The following BBOX1 variants were observed in gnomAD, a reference collection of about 807,000 sequenced individuals.
BBOX1 encodes gamma-butyrobetaine hydroxylase 1.
A neutral mutation model predicts 41.6 loss-of-function variants in BBOX1; 35 were observed. The observed-to-expected ratio is 0.84, with a 90% CI of 0.64 to 1.11. The LOEUF (loss-of-function observed/expected upper bound fraction) is 1.11. Among genes scored for constraint, BBOX1 ranks in the 50% most tolerant of loss-of-function variants. The pLI, the probability that BBOX1 is intolerant of heterozygous loss-of-function variation, is 0.00. For synonymous variants in BBOX1, 163 were observed against 154.7 expected (o/e 1.05, Z -0.40); for missense variants, 458 against 460.6 (o/e 0.99, Z 0.05).
chr11:27,110,588 C>T (rs1459432287), intron 5 of BBOX1, among the ~76,000 whole-genome samples: 1 of 151,918 alleles, frequency 6.6e-6, no homozygotes, highest in African/African-American at 2.4e-5. Context: ...CACATTTCTC[C>T]TTCCCTTATT....
In BBOX1 at chr11:27,067,757, T is replaced by A. The variant is rs113914182; in HGVS notation, c.334+10442T>A. Among the ~76,000 whole-genome samples, 326 of 151,956 alleles carry A rather than the reference T, an allele frequency of 2.1e-3. 2 individuals are homozygous for A. The highest frequency in any genetic ancestry group is 7.0e-3 in the African/African-American group (292 of 41,454). On this transcript the variant is annotated intron_variant, in intron 4 of 8. Transcript: ENST00000263182. ...GCCTGTACGACAGAGCGAGACTCCA[T>A]CTCAAAAATAAAATAAAATAAAAAT...
chr11:27,104,811 C>A (rs1858803075), intron 5 of BBOX1, among the ~76,000 whole-genome samples: 1 of 152,076 alleles, frequency 6.6e-6, no homozygotes, highest in Non-Finnish European at 1.5e-5. Context: ...GGTCCCTGAC[C>A]CCTGAGTAGC....
At chr11:27,114,760 AT>A in intron 5 of BBOX1, among the ~76,000 whole-genome samples, 1 of 152,060 alleles carries the variant, frequency 6.6e-6, no homozygotes, top group East Asian at 1.9e-4. Context: ...AAATGAACAA[AT>A]TATCTAAATA....
rs117367252 is a variant in BBOX1, at chr11:27,127,338, G to A, written c.1049G>A (p.Arg350His). The stretch of plus-strand genomic sequence containing the variant: ...AACTGGCGCTTACTTCATGGCCGAC[G>A]TAGCTATGAAGCAGGAACTGAGATA... ...FDNWRLLHGRRSYEAGTEISR... is the reference protein window; with the variant it reads ...FDNWRLLHGRHSYEAGTEISR... The change falls in exon 9 of 9, where the codon CGT becomes CAT. Residue 350 changes from arginine (R) to histidine (H), a missense_variant. Arg to His is a conservative substitution (Grantham distance 29). Coordinates refer to ENST00000263182, the MANE Select transcript of BBOX1 (RefSeq NM_003986.3). 6.2e-3 allele frequency: 9,964 copies of A among 1,614,126 alleles called. 40 individuals carry two copies. Among genetic ancestry groups the A allele is most frequent in the Non-Finnish European group, 7.8e-3 (9,151 of 1,180,008 alleles).
intron 5 of BBOX1, among the ~76,000 whole-genome samples, chr11:27,104,194 G>T (rs1858774468): frequency 6.6e-6 from 1 of 152,146 alleles, no homozygotes; most frequent in African/African-American, 2.4e-5. Flanking sequence ...ATATTGGAAT[G>T]TAGAAATCCC....
At chr11:27,088,080 G>T (rs1454817908) in intron 4 of BBOX1, among the ~76,000 whole-genome samples, 1 of 150,264 alleles carries the variant, frequency 6.7e-6, no homozygotes, top group African/African-American at 2.5e-5. Context: ...TATATTATAG[G>T]TGAGTGTGTG....
At chr11:27,121,111 T>C (rs2134108077) in intron 7 of BBOX1, among the ~76,000 whole-genome samples, 1 of 152,184 alleles carries the variant, frequency 6.6e-6, no homozygotes, top group African/African-American at 2.4e-5. Flanking sequence ...GGGAAAGCTT[T>C]ACTGAGATTT....
chr11:27,076,800 G>T (rs1004575773), intron 4 of BBOX1, among the ~76,000 whole-genome samples: 1 of 152,122 alleles, frequency 6.6e-6, no homozygotes, highest in Non-Finnish European at 1.5e-5. Flanking sequence ...ATGTTCCAGA[G>T]AGAAGCACAG....
At chr11:27,127,131 C>A (rs771297510) in intron 8 of BBOX1, among the ~76,000 whole-genome samples, 162 bp from the exon 9 acceptor site, 1 of 152,044 alleles carries the variant, frequency 6.6e-6, no homozygotes, top group Non-Finnish European at 1.5e-5. Flanking sequence ...CATCCAGTGG[C>A]CTGATTTGTG....
chr11:27,056,714 C>G (rs934677264), intron 3 of BBOX1, among the ~76,000 whole-genome samples: 5 of 152,060 alleles, frequency 3.3e-5, no homozygotes, highest in African/African-American at 1.2e-4. Flanking sequence ...GGGCCTCAGA[C>G]CTCAGATGTA....
At chr11:27,085,795 A>G (rs1858020238) in intron 4 of BBOX1, among the ~76,000 whole-genome samples, 1 of 152,162 alleles carries the variant, frequency 6.6e-6, no homozygotes, top group Admixed American at 6.6e-5. Context: ...CCAGACTGTC[A>G]GCCCAGTTGT....
chr11:27,072,603 A>G (rs1280593896), intron 4 of BBOX1, among the ~76,000 whole-genome samples: 6 of 152,192 alleles, frequency 3.9e-5, no homozygotes, highest in Non-Finnish European at 8.8e-5. Context: ...AAAAGAGCCC[A>G]CATTGCCAAG....
At chr11:27,092,301 C>T (rs1484138710) in intron 4 of BBOX1, among the ~76,000 whole-genome samples, 1 of 151,878 alleles carries the variant, frequency 6.6e-6, no homozygotes, top group African/African-American at 2.4e-5. Flanking sequence ...TTTAGGAAGG[C>T]TTACCTTCCT....
intron 2 of BBOX1, among the ~76,000 whole-genome samples, chr11:27,046,543 G>C (rs988825105): frequency 6.6e-6 from 1 of 151,922 alleles, no homozygotes; most frequent in Non-Finnish European, 1.5e-5. Flanking sequence ...CTGTTTTTCA[G>C]AACAGGTGAA....
At position 27,049,632 on chromosome 11, in the gene BBOX1, C is replaced by A. The variant is rs1342290435; in HGVS notation, c.-38-5761C>A. On this transcript the variant is annotated intron_variant, in intron 2 of 8. Transcript: ENST00000263182. ...TATATTTTGGAAATTAACCCCTTAT[C>A]AGATGTATGGGCCCTGCTGTGGCTT... Among the ~76,000 whole-genome samples, 10 of 152,132 alleles carry A rather than the reference C, an allele frequency of 6.6e-5. No homozygotes were observed. The East Asian group carries it at 1.9e-3, about 29-fold the overall frequency.
intron 4 of BBOX1, among the ~76,000 whole-genome samples, chr11:27,081,078 C>T (rs555590258): frequency 6.6e-6 from 1 of 152,180 alleles, no homozygotes; most frequent in Admixed American, 6.5e-5. Flanking sequence ...GATTTGAATC[C>T]AGATTTTTCA....
At chr11:27,117,713 T>C (rs1410221775) in intron 6 of BBOX1, among the ~76,000 whole-genome samples, 2 of 152,016 alleles carry the variant, frequency 1.3e-5, no homozygotes, top group Non-Finnish European at 2.9e-5. Context: ...AGTGACCAAA[T>C]GACTTCATAA....
chr11:27,073,400 A>C (rs1208836041), intron 4 of BBOX1, among the ~76,000 whole-genome samples: 1 of 152,026 alleles, frequency 6.6e-6, no homozygotes, highest in African/African-American at 2.4e-5. Flanking sequence ...ATCATTAAAA[A>C]GTCAGGAAAC....
intron 5 of BBOX1, among the ~76,000 whole-genome samples, chr11:27,111,616 G>T: frequency 6.6e-6 from 1 of 151,240 alleles, no homozygotes; most frequent in African/African-American, 2.4e-5. Flanking sequence ...ACTATATTCT[G>T]TTGTGTGTCA....
Sources: gnomAD v4.1 joint callset for allele counts (sites outside exome capture counted in the v4.1 genomes callset) on GRCh38, gnomAD v4.1.1 for gene constraint, MANE v1.5 for transcripts, NCBI Gene and HGNC (gene_info 2026-07-23, HGNC 2026-07-21) for gene names.